REPS1: variants seen among roughly 807,000 people sequenced by gnomAD.
REPS1 encodes the protein ralBP1-associated Eps domain-containing protein 1.
In REPS1, 39 loss-of-function variants were observed where a neutral mutation model predicts 100.9. That is an observed-to-expected ratio of 0.39 (90% CI 0.30 to 0.50). The LOEUF is 0.50. Among genes scored for constraint, REPS1 ranks in the 20% least tolerant of loss-of-function variants. REPS1 has a pLI of 0.86. For synonymous variants in REPS1, 324 were observed against 340.3 expected (o/e 0.95, Z 0.53); for missense variants, 821 against 968.5 (o/e 0.85, Z 2.02).
chr6:138,974,182 C>A (rs1247681222), intron 1 of REPS1, among the ~76,000 whole-genome samples: 1 of 152,120 alleles, frequency 6.6e-6, no homozygotes. Context: ...AGGAATTCAA[C>A]AGATCCATCC....
At chr6:138,905,865 G>A (rs1779613313) in intron 19 of REPS1, among the ~76,000 whole-genome samples, 1 of 152,108 alleles carries the variant, frequency 6.6e-6, no homozygotes, top group African/African-American at 2.4e-5. Flanking sequence ...TTTGCATTCA[G>A]AATTTTTAAT....
Position 138,907,574 on chromosome 6 carries a change from A to ATAGCTTTCT in REPS1, c.2234_2242dup (p.Lys745_Ala747dup). The ATAGCTTTCT allele has an allele frequency of 6.2e-7, 1 of 1,613,438 alleles. No individual in the cohort carries two copies. Among genetic ancestry groups the ATAGCTTTCT allele is most frequent in the Non-Finnish European group, 8.5e-7 (1 of 1,179,496 alleles). ...CTTATTACGTCTAATTGATGCCTGA[A>ATAGCTTTCT]TAGCTTTCTTATCTTTCCCAACAGA... is the stretch of plus-strand genomic sequence containing the variant. On this transcript the variant is annotated inframe_insertion, in exon 19 of 20. Transcript: ENST00000450536.
chr6:138,945,633 G>A lies in REPS1; in HGVS notation c.342C>T (p.Ala114=), dbSNP rs779147129. The A allele has an allele frequency of 4.3e-6, 7 of 1,613,500 alleles. No homozygotes were observed. In the South Asian group the frequency reaches 5.5e-5, roughly 13 times the overall value. ...GATTTTCAGAATCTGAAGAATATGA[G>A]GCTGCATGGCGAGATTCCTGTTCAT... is the stretch of plus-strand genomic sequence containing the variant. ...SKNEQESRHA[A]SYSSDSENQG... The change falls in exon 3 of 20, where the codon GCC becomes GCT. Residue 114 remains alanine (A), a synonymous_variant. Transcript: ENST00000450536.
chr6:138,965,496 C>T (rs755374039), intron 1 of REPS1, among the ~76,000 whole-genome samples: 5 of 152,020 alleles, frequency 3.3e-5, no homozygotes, highest in Non-Finnish European at 5.9e-5. Context: ...TTAGAAAATA[C>T]GATAGGGTAT....
Position 138,904,846 on chromosome 6 carries a change from A to C in REPS1, c.*218T>G, listed in dbSNP as rs937485147. 4.7e-6 allele frequency: 2 copies of C among 421,516 alleles called. No homozygotes were observed. Among genetic ancestry groups the C allele is most frequent in the Admixed American group, 3.9e-5 (1 of 25,468 alleles). The allele number at this position is 421,516 out of a possible 1,614,324, so 26.1% of individuals were successfully genotyped here. A position where few individuals can be genotyped will look rare whatever the true frequency, so the allele number is the denominator to read the frequency against. ...GAACAGAAAAGGTGGGTGTGCCAAC[A>C]AACACAATCTACCCTCCAGAAAACG... is the stretch of plus-strand genomic sequence containing the variant. On this transcript the variant is annotated 3_prime_UTR_variant, in exon 20 of 20. Transcript: ENST00000450536.
Position 138,904,985 on chromosome 6 carries a change from T to A in REPS1, c.*79A>T, listed in dbSNP as rs932075607. On this transcript the variant is annotated 3_prime_UTR_variant, in exon 20 of 20. Transcript: ENST00000450536. ...TTTAATGTTGAGTTAAGCAGTGAGC[T>A]GAATGTCTAGGTCTCCAAATTGGCT... The A allele has an allele frequency of 1.8e-6, 2 of 1,114,532 alleles. No homozygotes were observed. The highest frequency in any genetic ancestry group is 2.7e-6 in the Non-Finnish European group (2 of 731,416). The allele number at this position is 1,114,532 out of a possible 1,614,324, so 69.0% of individuals were successfully genotyped here. A position where few individuals can be genotyped will look rare whatever the true frequency, so the allele number is the denominator to read the frequency against.
chr6:138,976,965 T>C (rs1272783851), intron 1 of REPS1, among the ~76,000 whole-genome samples: 1 of 152,232 alleles, frequency 6.6e-6, no homozygotes, highest in Non-Finnish European at 1.5e-5. Context: ...TGCTGAAGTT[T>C]TGTAATTAAA....
chr6:138,986,387 CCT>C (rs1472689366), intron 1 of REPS1, among the ~76,000 whole-genome samples: 3 of 152,196 alleles, frequency 2.0e-5, no homozygotes, highest in Admixed American at 6.5e-5. Context: ...AAAACAGAGA[CCT>C]GTGTGTGGAC....
chr6:138,982,928 T>A (rs9484217), intron 1 of REPS1, among the ~76,000 whole-genome samples: 60,700 of 152,010 alleles, frequency 0.4, 12,571 homozygotes, highest in East Asian at 0.63. Flanking sequence ...TTTCAAGACA[T>A]CATCATACAT....
Position 138,912,919 on chromosome 6 carries a change from T to G in REPS1, c.1817A>C (p.Asp606Ala). Residue 606 changes from aspartate (D) to alanine (A), a missense_variant, in exon 16 of 20, where the codon GAT (aspartate) becomes GCT (alanine). This residue lies in a region of REPS1 where 757 missense variants were observed against 866.4 expected (regional missense o/e 0.87). Coordinates refer to ENST00000450536, the MANE Select transcript of REPS1 (RefSeq NM_001286611.2). ...APGPAVHRPV[D>A]ADGLITHTST... Reference sequence around the variant, plus strand: ...AGTGTGAGTTATGAGGCCATCGGCATCCACTGGGCGATGCACAGCAGGACC... The same window carrying G: ...AGTGTGAGTTATGAGGCCATCGGCAGCCACTGGGCGATGCACAGCAGGACC... The G allele has an allele frequency of 6.2e-7, 1 of 1,614,078 alleles. No individual in the cohort carries two copies. Among genetic ancestry groups the G allele is most frequent in the South Asian group, 1.1e-5 (1 of 91,070 alleles).
intron 8 of REPS1, among the ~76,000 whole-genome samples, chr6:138,937,081 C>T (rs1404760014): frequency 6.6e-6 from 1 of 151,292 alleles, no homozygotes; most frequent in Non-Finnish European, 1.5e-5. Context: ...ACATGGATGG[C>T]AGGAGGCAAA....
At chr6:138,916,847 T>C (rs1482075077) in intron 13 of REPS1, among the ~76,000 whole-genome samples, 1 of 152,144 alleles carries the variant, frequency 6.6e-6, no homozygotes, top group Non-Finnish European at 1.5e-5. Context: ...TCTGCATATA[T>C]GGGAATAAAC....
Position 138,949,077 on chromosome 6 carries a change from C to T in REPS1, c.154-1164G>A, listed in dbSNP as rs141873173. 4.2e-3 allele frequency among the ~76,000 whole-genome samples: 636 copies of T among 152,300 alleles called. 4 individuals carry two copies. Among genetic ancestry groups the T allele is most frequent in the Admixed American group, 5.7e-3 (87 of 15,290 alleles). ...GGGAGTTTAAAAAGGCAAGGTCATG[C>T]AGCCCCAATCCTCTACTCTTCTGCC... is the stretch of plus-strand genomic sequence containing the variant. On this transcript the variant is annotated intron_variant, in intron 1 of 19. Transcript: ENST00000450536.
rs1194062780 is a variant in REPS1 at position 138,915,930 on chromosome 6, G to A, written c.1648C>T (p.Pro550Ser). The change falls in exon 14 of 20, where the codon CCT (proline) becomes TCT (serine). Residue 550 changes from proline to serine, a missense_variant. Physicochemically the swap from Pro to Ser is moderately conservative, Grantham distance 74. Transcript: ENST00000450536. ...SPDNTAPPPP[P>S]PRPQPSHSRS... ...GAATGAGAGGGCTGTGGCCTTGGAG[G>A]GGGAGGTGGTGGTGCAGTGTTATCA... 6.2e-7 allele frequency: 1 copy of A among 1,614,000 alleles called. No homozygotes were observed. The highest frequency in any genetic ancestry group is 2.2e-5 in the East Asian group (1 of 44,882).
Position 138,917,570 on chromosome 6 carries a change from T to A in REPS1, c.1586A>T (p.Asn529Ile), listed in dbSNP as rs553814177. The part of the protein sequence containing the change: ...FTSDPEQIGS[N>I]VTRQRSHSGT... ...AAATACTGACCTTTGACGAGTTACA[T>A]TGCTCCCGATCTGTTCTGGGTCAGA... Residue 529 changes from asparagine (N) to isoleucine (I), a missense_variant, in exon 13 of 20, where the codon AAT (asparagine) becomes ATT (isoleucine). Asn to Ile is a moderately radical substitution (Grantham distance 149). Transcript: ENST00000450536. The A allele has an allele frequency of 6.2e-7, 1 of 1,613,178 alleles. No individual in the cohort carries two copies. The highest frequency in any genetic ancestry group is 1.3e-5 in the African/African-American group (1 of 74,912).
At chr6:138,915,715 G>C (rs1780322339) in intron 14 of REPS1, 143 bp downstream of exon 14, 6 of 607,884 alleles carry the variant, frequency 9.9e-6, no homozygotes, top group Middle Eastern at 4.6e-4. Flanking sequence ...TCAAAGTGCT[G>C]GGATTACAGG....
At chr6:138,948,748 G>C (rs1466335665) in intron 1 of REPS1, among the ~76,000 whole-genome samples, 1 of 152,176 alleles carries the variant, frequency 6.6e-6, no homozygotes, top group Non-Finnish European at 1.5e-5. Context: ...AGAGAGAGCA[G>C]TTTTAGTCTA....
At chr6:138,927,883 A>C (rs574674914) in intron 9 of REPS1, 1 of 152,322 alleles carries the variant, frequency 6.6e-6, no homozygotes, top group South Asian at 2.1e-4. Flanking sequence ...TGTTACAGGG[A>C]CACAGAAGGA....
chr6:138,972,861 T>C (rs1784411893), intron 1 of REPS1, among the ~76,000 whole-genome samples: 1 of 152,150 alleles, frequency 6.6e-6, no homozygotes, highest in Admixed American at 6.5e-5. Context: ...TCCATACTGC[T>C]GAAAAAAACT....
Sources: allele counts gnomAD v4.1 joint callset (sites outside exome capture counted in the v4.1 genomes callset), GRCh38; gene constraint gnomAD v4.1.1; regional missense constraint gnomAD v4.1.1; transcripts MANE v1.5; gene names NCBI Gene and HGNC (gene_info 2026-07-23, HGNC 2026-07-21).